Variants in CYFIP1 observed in about 807,000 individuals in gnomAD.
The protein encoded by CYFIP1 is cytoplasmic FMR1 interacting protein 1, also known as cytoplasmic FMR1-interacting protein 1.
A neutral mutation model predicts 163.5 loss-of-function variants in CYFIP1; 58 were observed. The observed-to-expected ratio is 0.35, with a 90% CI of 0.29 to 0.44. The LOEUF (loss-of-function observed/expected upper bound fraction) is 0.44, where lower values mean the gene tolerates loss of function less well. Among genes scored for constraint, CYFIP1 ranks in the 20% least tolerant of loss-of-function variants. CYFIP1 has a pLI of 1.00. For synonymous variants in CYFIP1, 663 were observed against 660.7 expected (o/e 1.00, Z -0.05); for missense variants, 1,338 against 1,653.8 (o/e 0.81, Z 3.31).
intron 23 of CYFIP1, among the ~76,000 whole-genome samples, chr15:22,886,612 T>C (rs575334660): frequency 3.9e-5 from 6 of 152,316 alleles, no homozygotes; most frequent in Admixed American, 3.9e-4. Flanking sequence ...TTATTATTGG[T>C]TTCTGGTTTG....
At chr15:22,941,523 G>A (rs979553162) in intron 6 of CYFIP1, among the ~76,000 whole-genome samples, 11 of 152,016 alleles carry the variant, frequency 7.2e-5, no homozygotes, top group Non-Finnish European at 1.5e-4. Context: ...CCACGAGCAG[G>A]TGCCAAAAGA....
At chr15:22,873,441 C>G (rs2059492266) in intron 29 of CYFIP1, 50 bp downstream of exon 29, 2 of 1,494,574 alleles carry the variant, frequency 1.3e-6, no homozygotes, top group East Asian at 4.5e-5. Flanking sequence ...CCCTCCCCCA[C>G]AGCTCCTCCC....
At position 22,905,728 on chromosome 15, in the gene CYFIP1, G is replaced by A. The variant is rs569158524; in HGVS notation, c.2389-1823C>T. 4.6e-5 allele frequency among the ~76,000 whole-genome samples: 7 copies of A among 151,300 alleles called. 1 individual carries two copies. In the South Asian group the frequency reaches 6.3e-4, roughly 14 times the overall value. On this transcript the variant is annotated intron_variant, in intron 21 of 30. Coordinates refer to ENST00000617928, the MANE Select transcript of CYFIP1 (RefSeq NM_014608.6). ...GCTGGAATTATAGGAGCGAGCCACC[G>A]AGTGCCCAGCCTTCATTCTTATTTC...
At chr15:22,890,948 G>A (rs1036836250) in intron 23 of CYFIP1, among the ~76,000 whole-genome samples, 5 of 152,178 alleles carry the variant, frequency 3.3e-5, no homozygotes, top group Admixed American at 6.5e-5. Context: ...ATGTGTCAGC[G>A]AGGCTCCCAG....
In CYFIP1 at chr15:22,869,705, G is replaced by GT. The variant is rs1336357738; in HGVS notation, c.*322dup. On this transcript the variant is annotated 3_prime_UTR_variant, in exon 31 of 31. Transcript: ENST00000617928. ...GGCAAGGGATTTAATGCATTTGCTGGTATTAAGTTTCTTATGGAATGAATG... is the reference window on the plus strand; with the variant it reads ...GGCAAGGGATTTAATGCATTTGCTGGTTATTAAGTTTCTTATGGAATGAATG... 1.0e-5 allele frequency: 2 copies of GT among 200,628 alleles called. No homozygotes were observed. Among genetic ancestry groups the GT allele is most frequent in the African/African-American group, 4.6e-5 (2 of 43,220 alleles). 12.4% of individuals were successfully genotyped at this position (200,628 alleles called of 1,614,324 possible).
rs373246339 is a variant in CYFIP1, at chr15:22,884,642, G to T, written c.2677-1631C>A. Among the ~76,000 whole-genome samples, 224 of 152,276 alleles carry T rather than the reference G, an allele frequency of 1.5e-3. 3 individuals are homozygous for T. The highest frequency in any genetic ancestry group is 5.0e-3 in the African/African-American group (207 of 41,556). ...AGTACAAGCTGACTGGGGTCTGGAGGAGGGTGGCCCTCTTTTTACAGCTCC... is the reference window on the plus strand; with the variant it reads ...AGTACAAGCTGACTGGGGTCTGGAGTAGGGTGGCCCTCTTTTTACAGCTCC... On this transcript the variant is annotated intron_variant, in intron 23 of 30. Coordinates refer to ENST00000617928, the MANE Select transcript of CYFIP1 (RefSeq NM_014608.6).
chr15:22,918,741 T>G lies in CYFIP1; in HGVS notation c.1477A>C (p.Arg493=). Reference sequence around the variant, plus strand: ...TTGATGGCCTGCCGCAGCGGCTCCCTAAGGGTCACCTGGGAGAAGTCCTGC... The same window carrying G: ...TTGATGGCCTGCCGCAGCGGCTCCCGAAGGGTCACCTGGGAGAAGTCCTGC... ...ALQDFSQVTL[R]EPLRQAIKKK... is the part of the protein sequence containing the mutation. Residue 493 remains arginine, a synonymous_variant, in exon 14 of 31, where the codon AGG becomes CGG. Transcript: ENST00000617928. 1 of 1,613,208 alleles carries G rather than the reference T, an allele frequency of 6.2e-7. No homozygotes were observed. Among genetic ancestry groups the G allele is most frequent in the Non-Finnish European group, 8.5e-7 (1 of 1,179,724 alleles).
rs533553646 is a variant in CYFIP1, at chr15:22,935,792, A to C, written c.900+1312T>G. On this transcript the variant is annotated intron_variant, in intron 9 of 30. Coordinates refer to ENST00000617928, the MANE Select transcript of CYFIP1 (RefSeq NM_014608.6). ...AGATCTTAAGTGTTCTCATCACAAA[A>C]TAAAAAAAATGGTGTGTTAGGTAAT... Among the ~76,000 whole-genome samples the C allele has an allele frequency of 3.2e-4, 49 of 152,316 alleles. 2 individuals carry two copies. The South Asian group carries it at 9.3e-3, about 29-fold the overall frequency.
At chr15:22,875,348 T>A in intron 26 of CYFIP1, 77 bp from the exon 27 acceptor site, 1 of 1,210,628 alleles carries the variant, frequency 8.3e-7, no homozygotes, top group Non-Finnish European at 1.2e-6. Context: ...AACCAAGAAC[T>A]TCTTTGCCTT....
intron 13 of CYFIP1, among the ~76,000 whole-genome samples, chr15:22,922,454 T>C (rs2061216315): frequency 3.3e-5 from 5 of 152,218 alleles, no homozygotes; most frequent in Admixed American, 3.3e-4. Flanking sequence ...AGTTTACACC[T>C]GTCTTCTCTG....
rs755885651 is a variant in CYFIP1 at position 22,928,000 on chromosome 15, G to A, written c.1139C>T (p.Ala380Val). Reference sequence around the variant, plus strand: ...GCGGTACTCCGCGTCCGTCTTCTGGGCCTCCTGGCGGCCCGAGCCCGTGAC... The same window carrying A: ...GCGGTACTCCGCGTCCGTCTTCTGGACCTCCTGGCGGCCCGAGCCCGTGAC... ...EVVTGSGRQE[A>V]QKTDAEYRKL... is the part of the protein sequence containing the mutation. The change falls in exon 12 of 31, where the codon GCC (alanine) becomes GTC (valine). Residue 380 changes from alanine to valine, a missense_variant. Coordinates refer to ENST00000617928, the MANE Select transcript of CYFIP1 (RefSeq NM_014608.6). 5 of 1,583,516 alleles carry A rather than the reference G, an allele frequency of 3.2e-6. No individual in the cohort carries two copies. Among genetic ancestry groups the A allele is most frequent in the Non-Finnish European group, 3.4e-6 (4 of 1,168,388 alleles).
chr15:22,921,749 C>A (rs1191656967), intron 13 of CYFIP1, among the ~76,000 whole-genome samples: 2 of 133,096 alleles, frequency 1.5e-5, no homozygotes, highest in South Asian at 4.9e-4. Flanking sequence ...CTGGGCAACA[C>A]GCGAGACTCT....
In CYFIP1 at chr15:22,868,230, C is replaced by T. The variant is rs887960609; in HGVS notation, c.*1798G>A. 6.6e-6 allele frequency: 1 copy of T among 152,204 alleles called. No homozygotes were observed. The highest frequency in any genetic ancestry group is 1.5e-5 in the Non-Finnish European group (1 of 68,038). 9.4% of individuals were successfully genotyped at this position (152,204 alleles called of 1,614,324 possible). A position where few individuals can be genotyped will look rare whatever the true frequency, so the allele number is the denominator to read the frequency against. On this transcript the variant is annotated 3_prime_UTR_variant, in exon 31 of 31. Transcript: ENST00000617928. ...GATGTTTTTTCTAACTGCCTCCTCC[C>T]ATGCCATTTTAATACTACAGATGTA...
intron 1 of CYFIP1, among the ~76,000 whole-genome samples, chr15:22,974,280 T>C (rs2063194460): frequency 6.6e-6 from 1 of 152,094 alleles, no homozygotes; most frequent in African/African-American, 2.4e-5. Context: ...AACCTAACTG[T>C]CCATCAACAG....
chr15:22,875,814 G>A (rs546934584), intron 26 of CYFIP1, among the ~76,000 whole-genome samples: 8 of 148,994 alleles, frequency 5.4e-5, no homozygotes, highest in African/African-American at 1.5e-4. Flanking sequence ...CCATCATGCC[G>A]AACTGCTCTT....
At chr15:22,943,405 A>G in intron 5 of CYFIP1, 51 bp from the exon 6 acceptor site, 1 of 1,575,316 alleles carries the variant, frequency 6.3e-7, no homozygotes, top group Non-Finnish European at 8.6e-7. Context: ...TGAGGAGCCA[A>G]GCCCATGTCC....
rs968509370 is a variant in CYFIP1, at chr15:22,930,857, C to A, written c.1110+1366G>T. Among the ~76,000 whole-genome samples the A allele has an allele frequency of 2.6e-5, 4 of 152,096 alleles. No homozygotes were observed. In the East Asian group the frequency reaches 7.7e-4, roughly 29 times the overall value. On this transcript the variant is annotated intron_variant, in intron 11 of 30. Coordinates refer to ENST00000617928, the MANE Select transcript of CYFIP1 (RefSeq NM_014608.6). ...AATTCGTTATTAAAGAAAGAAAAAG[C>A]CTTTTAAAAAATTTAGCACAGCCTA...
At chr15:22,932,116 G>T (rs866832072) in intron 11 of CYFIP1, 107 bp downstream of exon 11, 3 of 719,260 alleles carry the variant, frequency 4.2e-6, no homozygotes, top group East Asian at 2.8e-5. Flanking sequence ...ACATATGATC[G>T]TATCTGGTAG....
chr15:22,969,072 A>T (rs1194928608), intron 1 of CYFIP1, among the ~76,000 whole-genome samples: 1 of 152,118 alleles, frequency 6.6e-6, no homozygotes, highest in Non-Finnish European at 1.5e-5. Context: ...CTGAGCATCA[A>T]ATTTTGGCTA....
Sources: allele counts gnomAD v4.1 joint callset (sites outside exome capture counted in the v4.1 genomes callset), GRCh38; gene constraint gnomAD v4.1.1; transcripts MANE v1.5; gene names NCBI Gene and HGNC (gene_info 2026-07-23, HGNC 2026-07-21).